Variants in DNAH6 observed in about 807,000 individuals in gnomAD.
DNAH6 encodes the protein dynein axonemal heavy chain 6, also known as axonemal beta dynein heavy chain 6.
Under a neutral mutation model 491.4 loss-of-function variants are expected in DNAH6, and 340 were observed. The ratio of observed to expected loss-of-function variants is 0.69; its 90% confidence interval spans 0.63 to 0.76. DNAH6 has a LOEUF of 0.76. Among genes scored for constraint, DNAH6 ranks in the 30% least tolerant of loss-of-function variants. DNAH6 has a pLI of 0.00. For synonymous variants in DNAH6, 1,603 were observed against 1,686.1 expected (o/e 0.95, Z 1.21); for missense variants, 4,443 against 4,972.2 (o/e 0.89, Z 3.20).
intron 63 of DNAH6, among the ~76,000 whole-genome samples, chr2:84,755,289 T>A (rs1430517421): frequency 6.6e-6 from 1 of 152,208 alleles, no homozygotes; most frequent in Non-Finnish European, 1.5e-5. Flanking sequence ...CTCTTGCCTT[T>A]CTGCCCTGCA....
At chr2:84,542,139 A>G (rs1678313409) in intron 4 of DNAH6, among the ~76,000 whole-genome samples, 1 of 152,198 alleles carries the variant, frequency 6.6e-6, no homozygotes, top group African/African-American at 2.4e-5. Flanking sequence ...CACAGCTACC[A>G]TCTTCTAGAA....
At chr2:84,812,550 T>C in intron 73 of DNAH6, 24 bp downstream of exon 73, 1 of 1,540,968 alleles carries the variant, frequency 6.5e-7, no homozygotes, top group Non-Finnish European at 8.8e-7. Flanking sequence ...TTTCACTGGG[T>C]TTTGATGAAT....
chr2:84,544,505 GTATT>G lies in DNAH6; in HGVS notation c.930+9_930+12del. On this transcript the variant is annotated splice_donor_region_variant and intron_variant, in intron 5 of 76. Coordinates refer to ENST00000389394, the MANE Select transcript of DNAH6 (RefSeq NM_001370.2). ...AATTTGTTCATTGTTAATCCTGTAT[GTATT>G]TATCATTTATATTTTAAAATAATTA... 2 of 1,359,286 alleles carry G rather than the reference GTATT, an allele frequency of 1.5e-6. No homozygotes were observed. Among genetic ancestry groups the G allele is most frequent in the Non-Finnish European group, 1.0e-6 (1 of 990,988 alleles). The allele number at this position is 1,359,286 out of a possible 1,614,324, so 84.2% of individuals were successfully genotyped here. A position where few individuals can be genotyped will look rare whatever the true frequency, so the allele number is the denominator to read the frequency against.
intron 20 of DNAH6, 64 bp downstream of exon 20, chr2:84,605,656 C>A: frequency 1.9e-6 from 2 of 1,055,036 alleles, no homozygotes; most frequent in Non-Finnish European, 2.8e-6. Flanking sequence ...CTTAAATCTT[C>A]TGTGAGAGAT....
At chr2:84,729,923 A>G (rs900133944) in intron 61 of DNAH6, among the ~76,000 whole-genome samples, 5 of 152,204 alleles carry the variant, frequency 3.3e-5, no homozygotes, top group African/African-American at 1.2e-4. Context: ...TCAGAAGCCA[A>G]CTTCCATGCA....
intron 32 of DNAH6, 108 bp downstream of exon 32, chr2:84,640,686 G>T (rs748587753): frequency 2.4e-5 from 26 of 1,098,206 alleles, no homozygotes; most frequent in Middle Eastern, 2.1e-4. Flanking sequence ...ATAAATGTTG[G>T]CTGCTGCTGT....
chr2:84,569,766 AAAAT>A (rs1284083061), intron 11 of DNAH6, among the ~76,000 whole-genome samples: 1 of 152,258 alleles, frequency 6.6e-6, no homozygotes, highest in African/African-American at 2.4e-5. Context: ...AGAGTTGAGC[AAAAT>A]AAATAAATAT....
chr2:84,816,066 G>C lies in DNAH6; in HGVS notation c.12356G>C (p.Gly4119Ala), dbSNP rs1027292178. 9 of 1,551,094 alleles carry C rather than the reference G, an allele frequency of 5.8e-6. No individual in the cohort carries two copies. In the East Asian group the frequency reaches 2.2e-4, roughly 38 times the overall value. ...CTTTATAAAACAGGAGCCCGGGCAG[G>C]AACACTCTCAACCACAGGTGAGGAT... ...CPLYKTGARA[G>A]TLSTTGHSTN... Residue 4119 changes from glycine (G) to alanine (A), a missense_variant, in exon 76 of 77, where the codon GGA (glycine) becomes GCA (alanine). By Grantham distance (60) the Gly-to-Ala change is moderately conservative (BLOSUM62 0). Coordinates refer to ENST00000389394, the MANE Select transcript of DNAH6 (RefSeq NM_001370.2).
Position 84,762,826 on chromosome 2 carries a change from C to T in DNAH6, c.10584C>T (p.Asp3528=). ...GKQFIETPPV[D]LPTLYQDMSC... is the part of the protein sequence containing the mutation. ...AGTTTATAGAGACACCACCTGTGGA[C>T]CTGCCTACCCTGTATCAAGACATGT... Residue 3528 remains aspartate (D), a synonymous_variant, in exon 64 of 77, where the codon GAC becomes GAT. Transcript: ENST00000389394. 1 of 1,551,064 alleles carries T rather than the reference C, an allele frequency of 6.4e-7. No homozygotes were observed. The highest frequency in any genetic ancestry group is 8.7e-7 in the Non-Finnish European group (1 of 1,146,546).
At chr2:84,720,295 T>C (rs1293006352) in intron 59 of DNAH6, among the ~76,000 whole-genome samples, 1 of 114,964 alleles carries the variant, frequency 8.7e-6, no homozygotes, top group African/African-American at 3.3e-5. Context: ...TTTTTTTTTT[T>C]TGAGACAGAG....
intron 35 of DNAH6, among the ~76,000 whole-genome samples, chr2:84,657,883 C>T (rs894854387): frequency 6.6e-6 from 1 of 151,978 alleles, no homozygotes; most frequent in African/African-American, 2.4e-5. Flanking sequence ...GGGCTGAATT[C>T]ACTTTTAAAT....
At chr2:84,642,420 C>T (rs1689499667) in intron 33 of DNAH6, among the ~76,000 whole-genome samples, 1 of 151,986 alleles carries the variant, frequency 6.6e-6, no homozygotes, top group African/African-American at 2.4e-5. Flanking sequence ...TACATTTCTC[C>T]ACGTTATACA....
intron 63 of DNAH6, among the ~76,000 whole-genome samples, chr2:84,760,209 A>T (rs1232924070): frequency 6.6e-6 from 1 of 152,190 alleles, no homozygotes; most frequent in Non-Finnish European, 1.5e-5. Flanking sequence ...AAACTATAAA[A>T]ATACTAGAAG....
chr2:84,643,678 T>A (rs192828404), intron 33 of DNAH6, among the ~76,000 whole-genome samples: 1 of 152,334 alleles, frequency 6.6e-6, no homozygotes, highest in Non-Finnish European at 1.5e-5. Flanking sequence ...GCATTCTTCA[T>A]CTCTGTTATA....
At chr2:84,678,205 T>C (rs1693444298) in intron 41 of DNAH6, among the ~76,000 whole-genome samples, 1 of 152,190 alleles carries the variant, frequency 6.6e-6, no homozygotes, top group Non-Finnish European at 1.5e-5. Flanking sequence ...GCCAAAATGG[T>C]ATATAAAAAC....
intron 55 of DNAH6, 37 bp from the exon 56 acceptor site, chr2:84,710,250 C>A: frequency 6.5e-7 from 1 of 1,540,060 alleles, no homozygotes; most frequent in Non-Finnish European, 8.8e-7. Context: ...TTATTATGCT[C>A]TGAAGCAAAT....
chr2:84,753,692 G>T (rs949438551), intron 63 of DNAH6, among the ~76,000 whole-genome samples: 1 of 145,034 alleles, frequency 6.9e-6, no homozygotes, highest in Non-Finnish European at 1.5e-5. Flanking sequence ...AGGAGACAGA[G>T]GTTGTGGTGA....
At chr2:84,548,682 G>T (rs943593563) in intron 8 of DNAH6, among the ~76,000 whole-genome samples, 1 of 152,112 alleles carries the variant, frequency 6.6e-6, no homozygotes, top group Non-Finnish European at 1.5e-5. Flanking sequence ...ATGGTGATGA[G>T]AAATTTGTGG....
At chr2:84,535,737 T>C (rs1677627976) in intron 4 of DNAH6, among the ~76,000 whole-genome samples, 1 of 151,286 alleles carries the variant, frequency 6.6e-6, no homozygotes, top group African/African-American at 2.4e-5. Context: ...TTAGATGATA[T>C]AGATGATCAT....
Sources: gnomAD v4.1 joint callset for allele counts (sites outside exome capture counted in the v4.1 genomes callset) on GRCh38, gnomAD v4.1.1 for gene constraint, MANE v1.5 for transcripts, NCBI Gene and HGNC (gene_info 2026-07-23, HGNC 2026-07-21) for gene names.